WDR83OS: variants seen among roughly 807,000 people sequenced by gnomAD.
The protein encoded by WDR83OS is PAT complex subunit Asterix.
Under a neutral mutation model 13.7 loss-of-function variants are expected in WDR83OS, and 15 were observed. That is an observed-to-expected ratio of 1.09 (90% CI 0.73 to 1.69). WDR83OS has a LOEUF of 1.69. WDR83OS is among the 40% of genes most tolerant of loss of function. The pLI is 0.00. For synonymous variants in WDR83OS, 68 were observed against 52.9 expected (o/e 1.29, Z -1.24); for missense variants, 145 against 143.2 (o/e 1.01, Z -0.06).
rs1299826627 is a variant in WDR83OS at position 12,668,522 on chromosome 19, G to A, written c.252C>T (p.Phe84=). The change falls in exon 3 of 4, where the codon TTC becomes TTT. Residue 84 remains phenylalanine, a splice_region_variant and synonymous_variant. Coordinates refer to ENST00000596731, the MANE Select transcript of WDR83OS (RefSeq NM_016145.4). ...SEDTKQMMSS[F]MLSISAVVMS... Reference sequence around the variant, plus strand: ...TTGTTCTGTAGGGCAAGTCTCACATGAAGCTACTCATCATTTGCTTCGTGT... The same window carrying A: ...TTGTTCTGTAGGGCAAGTCTCACATAAAGCTACTCATCATTTGCTTCGTGT... 1.2e-6 allele frequency: 2 copies of A among 1,614,146 alleles called. No homozygotes were observed. The highest frequency in any genetic ancestry group is 1.7e-6 in the Non-Finnish European group (2 of 1,180,002).
At position 12,669,397 on chromosome 19, in the gene WDR83OS, T is replaced by G; in HGVS notation, c.7A>C (p.Thr3Pro). 1 of 1,598,090 alleles carries G rather than the reference T, an allele frequency of 6.3e-7. No homozygotes were observed. The highest frequency in any genetic ancestry group is 8.5e-7 in the Non-Finnish European group (1 of 1,171,638). ...CTCCGTGGGTCCGACATATTGTTAG[T>G]GGACATAGCGAGTCGAAGGCCAGAT... MS[T>P]NNMSDPRRPN... Residue 3 changes from threonine (T) to proline (P), a missense_variant, in exon 1 of 4, where the codon ACT (threonine) becomes CCT (proline). Thr to Pro is a conservative substitution (Grantham distance 38). Transcript: ENST00000596731.
rs775555975 is a variant in WDR83OS at position 12,668,519 on chromosome 19, C to T, written c.254+1G>A. 6.2e-6 allele frequency: 10 copies of T among 1,614,010 alleles called. No homozygotes were observed. The East Asian group carries it at 1.8e-4, about 29-fold the overall frequency. On this transcript the variant is annotated splice_donor_variant, in intron 3 of 3. Coordinates refer to ENST00000596731, the MANE Select transcript of WDR83OS (RefSeq NM_016145.4). LOFTEE classifies it high-confidence loss of function. ...CACTTGTTCTGTAGGGCAAGTCTCACATGAAGCTACTCATCATTTGCTTCG... is the reference window on the plus strand; with the variant it reads ...CACTTGTTCTGTAGGGCAAGTCTCATATGAAGCTACTCATCATTTGCTTCG...
intron 3 of WDR83OS, 47 bp from the exon 4 acceptor site, chr19:12,668,472 C>A: frequency 6.2e-7 from 1 of 1,612,882 alleles, no homozygotes; most frequent in Non-Finnish European, 8.5e-7. Context: ...GGCTGGGGTC[C>A]CCCCACCCCT....
In WDR83OS at chr19:12,668,242, C is replaced by T; in HGVS notation, c.*117G>A. 1.8e-6 allele frequency: 2 copies of T among 1,097,462 alleles called. No individual in the cohort carries two copies. The highest frequency in any genetic ancestry group is 2.4e-4 in the Middle Eastern group (1 of 4,188). The allele number at this position is 1,097,462 out of a possible 1,614,324, so 68.0% of individuals were successfully genotyped here. On this transcript the variant is annotated 3_prime_UTR_variant, in exon 4 of 4. Coordinates refer to ENST00000596731, the MANE Select transcript of WDR83OS (RefSeq NM_016145.4). ...GGTTCCCTCTATCCAGCTGGGGGCA[C>T]CGAGACGGCCTCATTCAGGGAAGTC...
intron 2 of WDR83OS, 126 bp from the exon 3 acceptor site, chr19:12,668,743 C>A (rs984310507): frequency 8.9e-6 from 7 of 786,888 alleles, no homozygotes; most frequent in Non-Finnish European, 1.5e-5. Flanking sequence ...TTGCCCCACC[C>A]GGAATTCCTC....
Position 12,669,162 on chromosome 19 carries a change from C to T in WDR83OS, c.122G>A (p.Gly41Asp), listed in dbSNP as rs1485323118. 3 of 1,614,020 alleles carry T rather than the reference C, an allele frequency of 1.9e-6. No individual in the cohort carries two copies. Residue 41 changes from glycine (G) to aspartate (D), a missense_variant, in exon 2 of 4, where the codon GGC becomes GAC. Physicochemically the swap from Gly to Asp is moderately conservative, Grantham distance 94 (BLOSUM62 -1). Coordinates refer to ENST00000596731, the MANE Select transcript of WDR83OS (RefSeq NM_016145.4). Reference protein sequence around the residue: ...DPTPDYMNLLGMIFSMCGLML... With the variant: ...DPTPDYMNLLDMIFSMCGLML... ...GAGGCCGCACATGCTGAAGATCATGCCCAGCAGGTTCATGTAGTCCGGCGT... is the reference window on the plus strand; with the variant it reads ...GAGGCCGCACATGCTGAAGATCATGTCCAGCAGGTTCATGTAGTCCGGCGT...
In WDR83OS at chr19:12,669,405, G is replaced by C. The variant is rs1348593580; in HGVS notation, c.-2C>G. On this transcript the variant is annotated 5_prime_UTR_variant, in exon 1 of 4. Transcript: ENST00000596731. ...GTCCGACATATTGTTAGTGGACATA[G>C]CGAGTCGAAGGCCAGATCACGCCTC... 2.5e-6 allele frequency: 4 copies of C among 1,594,516 alleles called. No homozygotes were observed. The highest frequency in any genetic ancestry group is 3.4e-6 in the Non-Finnish European group (4 of 1,169,762).
In WDR83OS at chr19:12,668,591, G is replaced by A; in HGVS notation, c.183C>T (p.Val61=). 1 of 1,614,114 alleles carries A rather than the reference G, an allele frequency of 6.2e-7. No homozygotes were observed. The highest frequency in any genetic ancestry group is 8.5e-7 in the Non-Finnish European group (1 of 1,180,016). The change falls in exon 3 of 4, where the codon GTC becomes GTT. Residue 61 remains valine, a synonymous_variant. Transcript: ENST00000596731. The part of the protein sequence containing the change: ...LKLKWCAWVA[V]YCSFISFANS... ...TGGCAAAGCTGATGAAGGAGCAGTA[G>A]ACAGCGACCCAAGCACACCACTTCA...
rs1182433837 is a variant in WDR83OS at position 12,668,163 on chromosome 19, CA to C, written c.*195del. ...GGACAGCATCTCCCCCAGCAGCAGG[CA>C]GGGGAAGGGAGGCAGGAGGGGTAAG... On this transcript the variant is annotated 3_prime_UTR_variant, in exon 4 of 4. Coordinates refer to ENST00000596731, the MANE Select transcript of WDR83OS (RefSeq NM_016145.4). 2 of 580,886 alleles carry C rather than the reference CA, an allele frequency of 3.4e-6. No homozygotes were observed. The highest frequency in any genetic ancestry group is 6.2e-6 in the Non-Finnish European group (2 of 324,712). 36.0% of individuals were successfully genotyped at this position (580,886 alleles called of 1,614,324 possible).
chr19:12,669,375 C>G lies in WDR83OS; in HGVS notation c.29G>C (p.Arg10Pro), dbSNP rs756079595. The G allele has an allele frequency of 6.2e-7, 1 of 1,601,960 alleles. No homozygotes were observed. Among genetic ancestry groups the G allele is most frequent in the Admixed American group, 1.7e-5 (1 of 58,222 alleles). MSTNNMSDPRRPNKVLRYKP... is the reference protein window; with the variant it reads MSTNNMSDPPRPNKVLRYKP... ...TCACCTCAGCACTTTGTTCGGCCTC[C>G]GTGGGTCCGACATATTGTTAGTGGA... The change falls in exon 1 of 4, where the codon CGG becomes CCG. Residue 10 changes from arginine to proline, a missense_variant. By Grantham distance (103) the Arg-to-Pro change is moderately radical. Coordinates refer to ENST00000596731, the MANE Select transcript of WDR83OS (RefSeq NM_016145.4).
Position 12,669,412 on chromosome 19 carries a change from G to C in WDR83OS, c.-9C>G, listed in dbSNP as rs138063650. ...ATATTGTTAGTGGACATAGCGAGTC[G>C]AAGGCCAGATCACGCCTCTTCCGCT... On this transcript the variant is annotated 5_prime_UTR_variant, in exon 1 of 4. Coordinates refer to ENST00000596731, the MANE Select transcript of WDR83OS (RefSeq NM_016145.4). 1 of 1,591,676 alleles carries C rather than the reference G, an allele frequency of 6.3e-7. No homozygotes were observed. The highest frequency in any genetic ancestry group is 1.1e-5 in the South Asian group (1 of 88,046).
chr19:12,669,293 T>C (rs2024340389), intron 1 of WDR83OS, 60 bp from the exon 2 acceptor site: 15 of 1,606,738 alleles, frequency 9.3e-6, no homozygotes, highest in Non-Finnish European at 1.1e-5. Context: ...GACAGGCGCT[T>C]CCCAGGGCCC....
In WDR83OS at chr19:12,669,412, G is replaced by A. The variant is rs138063650; in HGVS notation, c.-9C>T. 2.1e-3 allele frequency: 3,346 copies of A among 1,591,676 alleles called. 10 individuals are homozygous for A. Among genetic ancestry groups the A allele is most frequent in the Non-Finnish European group, 2.6e-3 (3,079 of 1,168,228 alleles). On this transcript the variant is annotated 5_prime_UTR_variant, in exon 1 of 4. Coordinates refer to ENST00000596731, the MANE Select transcript of WDR83OS (RefSeq NM_016145.4). ...ATATTGTTAGTGGACATAGCGAGTCGAAGGCCAGATCACGCCTCTTCCGCT... is the reference window on the plus strand; with the variant it reads ...ATATTGTTAGTGGACATAGCGAGTCAAAGGCCAGATCACGCCTCTTCCGCT...
chr19:12,669,186 G>A lies in WDR83OS; in HGVS notation c.98C>T (p.Thr33Met). 1 of 1,614,148 alleles carries A rather than the reference G, an allele frequency of 6.2e-7. No individual in the cohort carries two copies. Residue 33 changes from threonine to methionine, a missense_variant, in exon 2 of 4, where the codon ACG becomes ATG. Thr to Met is a moderately conservative substitution (Grantham distance 81, BLOSUM62 -1). Coordinates refer to ENST00000596731, the MANE Select transcript of WDR83OS (RefSeq NM_016145.4). The part of the protein sequence containing the change: ...SECNPALDDP[T>M]PDYMNLLGMI... ...GCCCAGCAGGTTCATGTAGTCCGGC[G>A]TCGGGTCGTCCAAGGCCGGGTTACA...
rs2024305988 is a variant in WDR83OS at position 12,668,110 on chromosome 19, G to A, written c.*249C>T. On this transcript the variant is annotated 3_prime_UTR_variant, in exon 4 of 4. Coordinates refer to ENST00000596731, the MANE Select transcript of WDR83OS (RefSeq NM_016145.4). ...CTTTATTAACAACAGGTTTCAACGAGAAAGCAAATGAATACCCCTAGAAAC... is the reference window on the plus strand; with the variant it reads ...CTTTATTAACAACAGGTTTCAACGAAAAAGCAAATGAATACCCCTAGAAAC... The A allele has an allele frequency of 1.3e-5, 6 of 477,574 alleles. No individual in the cohort carries two copies. The South Asian group carries it at 1.5e-4, about 12-fold the overall frequency. 29.6% of individuals were successfully genotyped at this position (477,574 alleles called of 1,614,324 possible).
intron 3 of WDR83OS, 32 bp from the exon 4 acceptor site, chr19:12,668,457 G>T (rs1248875322): frequency 5.0e-6 from 8 of 1,612,926 alleles, no homozygotes; most frequent in Non-Finnish European, 6.8e-6. Flanking sequence ...AGTCTAGGAT[G>T]GCCAGGCTGG....
chr19:12,669,320 C>T (rs1336744967), intron 1 of WDR83OS, 34 bp downstream of exon 1: 2 of 1,605,930 alleles, frequency 1.2e-6, no homozygotes, highest in Non-Finnish European at 8.5e-7. Flanking sequence ...ACACCCACAA[C>T]CCGAACCCGT....
In WDR83OS at chr19:12,668,850, A is replaced by G. The variant is rs1320166432; in HGVS notation, c.157-233T>C. Among the ~76,000 whole-genome samples the G allele has an allele frequency of 3.3e-5, 5 of 152,114 alleles. No individual in the cohort carries two copies. The East Asian group carries it at 7.7e-4, about 23-fold the overall frequency. The stretch of plus-strand genomic sequence containing the variant: ...ACCAAGAGAGACTCTGACATCCCAC[A>G]TGCTTAAGACCCTGCCCTTTTTCCA... On this transcript the variant is annotated intron_variant, in intron 2 of 3. Transcript: ENST00000596731.
intron 2 of WDR83OS, among the ~76,000 whole-genome samples, 174 bp downstream of exon 2, chr19:12,668,954 T>C (rs1288671489): frequency 1.3e-5 from 2 of 152,114 alleles, no homozygotes; most frequent in Non-Finnish European, 2.9e-5. Flanking sequence ...ACTCGAATCC[T>C]TGACTTCACC....
Sources: allele counts gnomAD v4.1 joint callset (sites outside exome capture counted in the v4.1 genomes callset), GRCh38; gene constraint gnomAD v4.1.1; transcripts MANE v1.5; gene names NCBI Gene and HGNC (gene_info 2026-07-23, HGNC 2026-07-21).